The following SH3PXD2B variants were observed in gnomAD, a reference collection of about 807,000 sequenced individuals.
SH3PXD2B encodes SH3 and PX domains 2B, also known as SH3 and PX domain-containing protein 2B.
A neutral mutation model predicts 73.1 loss-of-function variants in SH3PXD2B; 37 were observed. The observed-to-expected ratio is 0.51, with a 90% CI of 0.39 to 0.67. SH3PXD2B has a LOEUF of 0.67. SH3PXD2B is among the 30% of genes least tolerant of loss of function. The pLI, the probability that SH3PXD2B is intolerant of heterozygous loss-of-function variation, is 0.00. For missense variants in SH3PXD2B, 1,053 were observed against 1,197.8 expected (o/e 0.88, Z 1.78); for synonymous variants, 457 against 480.5 (o/e 0.95, Z 0.64).
At chr5:172,424,718 G>A (rs2113469157) in intron 1 of SH3PXD2B, among the ~76,000 whole-genome samples, 1 of 152,266 alleles carries the variant, frequency 6.6e-6, no homozygotes, top group African/African-American at 2.4e-5. Flanking sequence ...GGGGAGCTTG[G>A]GCTCTAGAGT....
downstream of SH3PXD2B, among the ~76,000 whole-genome samples, chr5:172,333,173 G>C (rs1756598145): frequency 6.6e-6 from 1 of 152,092 alleles, no homozygotes; most frequent in African/African-American, 2.4e-5. Flanking sequence ...GACCTCAGGT[G>C]ATCGGCCCGC....
chr5:172,342,915 T>A (rs1756892380), intron 12 of SH3PXD2B, among the ~76,000 whole-genome samples: 1 of 152,238 alleles, frequency 6.6e-6, no homozygotes, highest in Non-Finnish European at 1.5e-5. Context: ...CTCCTGGGCC[T>A]GCAGTCCTGG....
chr5:172,363,073 C>T (rs973616563), intron 6 of SH3PXD2B, among the ~76,000 whole-genome samples: 4 of 152,212 alleles, frequency 2.6e-5, no homozygotes, highest in African/African-American at 9.6e-5. Flanking sequence ...TTTGCAGGCA[C>T]TGGGGGTTCA....
At chr5:172,420,177 T>C (rs1213158237) in intron 2 of SH3PXD2B, among the ~76,000 whole-genome samples, 1 of 152,250 alleles carries the variant, frequency 6.6e-6, no homozygotes, top group East Asian at 1.9e-4. Context: ...GATGGTATCT[T>C]AGCATCTTTA....
At position 172,338,857 on chromosome 5, in the gene SH3PXD2B, C is replaced by T. The variant is rs1205404871; in HGVS notation, c.2248G>A (p.Ala750Thr). 3.7e-6 allele frequency: 6 copies of T among 1,612,534 alleles called. No individual in the cohort carries two copies. Among genetic ancestry groups the T allele is most frequent in the Admixed American group, 1.7e-5 (1 of 59,994 alleles). Residue 750 changes from alanine (A) to threonine (T), a missense_variant, in exon 13 of 13, where the codon GCT (alanine) becomes ACT (threonine). Transcript: ENST00000311601. This position sits in a 1 kb window ranked among gnomAD's most constrained non-coding sequence, Gnocchi z 5.1. ...GGGACCACAGGTCTCTGCTGGGGAG[C>T]CTCTTGGAGAGGAACAGGCACGCTC... ...SKSVPVPLQE[A>T]PQQRPVVPPR...
chr5:172,406,419 T>C, intron 2 of SH3PXD2B, 67 bp from the exon 3 acceptor site: 6 of 1,538,072 alleles, frequency 3.9e-6, no homozygotes, highest in Non-Finnish European at 5.4e-6. Flanking sequence ...CTAGGACATT[T>C]TAAAGAAATT....
intron 1 of SH3PXD2B, among the ~76,000 whole-genome samples, chr5:172,436,938 CCA>C (rs1759402797): frequency 6.6e-6 from 1 of 152,138 alleles, no homozygotes. Flanking sequence ...TCCACAGACC[CCA>C]GTTTCAGAAG....
Position 172,353,759 on chromosome 5 carries a change from G to A in SH3PXD2B, c.785+129C>T. 2 of 779,646 alleles carry A rather than the reference G, an allele frequency of 2.6e-6. No individual in the cohort carries two copies. Among genetic ancestry groups the A allele is most frequent in the South Asian group, 2.8e-5 (2 of 70,858 alleles). 48.3% of individuals were successfully genotyped at this position (779,646 alleles called of 1,614,324 possible). A position where few individuals can be genotyped will look rare whatever the true frequency, so the allele number is the denominator to read the frequency against. ...CACAGAGGAGAAGTATCCTTTTATG[G>A]TTCAGGCGGAAACTTCGCCCAGATG... On this transcript the variant is annotated intron_variant, in intron 9 of 12. Transcript: ENST00000311601. The surrounding 1 kb of genome is among the most constrained non-coding windows in gnomAD (Gnocchi z 4.3).
chr5:172,327,818 A>T (rs1292455754), intron 12 of SH3PXD2B, among the ~76,000 whole-genome samples: 1 of 148,500 alleles, frequency 6.7e-6, no homozygotes, highest in African/African-American at 2.5e-5. Flanking sequence ...GCAGTGGCAT[A>T]ATCTTGGCTC....
At chr5:172,326,039 A>C (rs1399146141) in intron 12 of SH3PXD2B, among the ~76,000 whole-genome samples, 2 of 152,324 alleles carry the variant, frequency 1.3e-5, no homozygotes, top group South Asian at 4.1e-4. Flanking sequence ...CGCCTGCCTC[A>C]GCCTCCCGAA....
In SH3PXD2B at chr5:172,334,630, G is replaced by A. The variant is rs1415766258; in HGVS notation, c.*3739C>T. ...AAGCCAACATGTAAGACTTGGGCAC[G>A]ATGAAAGGACGGGGGTCCAGCTACG... On this transcript the variant is annotated 3_prime_UTR_variant, in exon 13 of 13. Transcript: ENST00000311601. The A allele has an allele frequency of 1.4e-5, 14 of 985,338 alleles. No homozygotes were observed. The highest frequency in any genetic ancestry group is 1.1e-4 in the East Asian group (1 of 8,828). 61.0% of individuals were successfully genotyped at this position (985,338 alleles called of 1,614,324 possible).
chr5:172,368,470 A>ATATATATATATATAATATATATATAT (rs1757579790), intron 6 of SH3PXD2B, among the ~76,000 whole-genome samples: 1 of 24,526 alleles, frequency 4.1e-5, no homozygotes, highest in African/African-American at 2.0e-4. Flanking sequence ...TATATATATT[A>ATATATATATATATAATATATATATAT]TATATATATA....
chr5:172,339,329 A>G lies in SH3PXD2B; in HGVS notation c.1776T>C (p.Asn592=). 2 of 1,613,886 alleles carry G rather than the reference A, an allele frequency of 1.2e-6. No homozygotes were observed. Among genetic ancestry groups the G allele is most frequent in the South Asian group, 1.1e-5 (1 of 91,068 alleles). The change falls in exon 13 of 13, where the codon AAT becomes AAC. Residue 592 remains asparagine, a synonymous_variant. Coordinates refer to ENST00000311601, the MANE Select transcript of SH3PXD2B (RefSeq NM_001017995.3). This position sits in a 1 kb window ranked among gnomAD's most constrained non-coding sequence, Gnocchi z 6.1. ...TGTGGCCACACTCCAGCCCCATGTC[A>G]TTTTTCAGCTGGAACAGTCTGCTTT... The part of the protein sequence containing the change: ...PDKSRLFQLK[N]DMGLECGHKV...
At chr5:172,403,012 C>A (rs970524899) in intron 3 of SH3PXD2B, among the ~76,000 whole-genome samples, 4 of 152,268 alleles carry the variant, frequency 2.6e-5, no homozygotes, top group Non-Finnish European at 5.9e-5. Context: ...GGAGCCAGCA[C>A]CTCCTTGGCC....
rs1318590106 is a variant in SH3PXD2B, at chr5:172,348,646, CTAT to C, written c.1013-1317_1013-1315del. The stretch of plus-strand genomic sequence containing the variant: ...TCTATGTATCTATCTATGTATCTAT[CTAT>C]CTATCCTATCTATCTATCTATCTAT... On this transcript the variant is annotated intron_variant, in intron 10 of 12. Transcript: ENST00000311601. Among the ~76,000 whole-genome samples, 11 of 61,396 alleles carry C rather than the reference CTAT, an allele frequency of 1.8e-4. No individual in the cohort carries two copies. In the East Asian group the frequency reaches 4.0e-3, roughly 22 times the overall value. The allele number at this position is 61,396 out of a possible 152,430, so 40.3% of individuals were successfully genotyped here. A position where few individuals can be genotyped will look rare whatever the true frequency, so the allele number is the denominator to read the frequency against.
intron 2 of SH3PXD2B, among the ~76,000 whole-genome samples, chr5:172,406,850 G>A (rs1303636735): frequency 2.0e-5 from 3 of 152,176 alleles, no homozygotes; most frequent in African/African-American, 7.2e-5. Flanking sequence ...AGAGGAACAG[G>A]AGACAGCGAG....
chr5:172,406,131 G>T, intron 3 of SH3PXD2B, 146 bp downstream of exon 3: 1 of 959,808 alleles, frequency 1.0e-6, no homozygotes, highest in East Asian at 2.5e-5. Flanking sequence ...GGCATAAATG[G>T]GTTAATTTCT....
intron 4 of SH3PXD2B, among the ~76,000 whole-genome samples, chr5:172,388,363 T>C (rs868202622): frequency 1.3e-5 from 2 of 152,212 alleles, no homozygotes; most frequent in South Asian, 4.1e-4. Flanking sequence ...CCAAATGTCA[T>C]GTAACAGCCT....
intron 2 of SH3PXD2B, among the ~76,000 whole-genome samples, chr5:172,419,204 T>C (rs1361777875): frequency 6.6e-6 from 1 of 152,154 alleles, no homozygotes; most frequent in African/African-American, 2.4e-5. Flanking sequence ...GTCTTAAGCC[T>C]TAGGCTGCGC....
Sources: allele counts gnomAD v4.1 joint callset (sites outside exome capture counted in the v4.1 genomes callset), GRCh38; gene constraint gnomAD v4.1.1; non-coding constraint Gnocchi (gnomAD v3.1); transcripts MANE v1.5; gene names NCBI Gene and HGNC (gene_info 2026-07-23, HGNC 2026-07-21).